The following UNC93A variants were observed in gnomAD, a reference collection of about 807,000 sequenced individuals.
The protein encoded by UNC93A is N-acetylglucosamine transporter UNC93A.
Under a neutral mutation model 47.5 loss-of-function variants are expected in UNC93A, and 43 were observed. That is an observed-to-expected ratio of 0.91 (90% CI 0.71 to 1.17). UNC93A has a LOEUF of 1.17. Among genes scored for constraint, UNC93A ranks in the 50% most tolerant of loss-of-function variants. UNC93A has a pLI of 0.00. For synonymous variants in UNC93A, 280 were observed against 258.0 expected (o/e 1.09, Z -0.82); for missense variants, 605 against 577.6 (o/e 1.05, Z -0.49).
chr6:167,311,193 G>A (rs930414322), intron 7 of UNC93A, among the ~76,000 whole-genome samples: 20 of 152,204 alleles, frequency 1.3e-4, no homozygotes, highest in Non-Finnish European at 1.2e-4. Flanking sequence ...TGTGGACCAC[G>A]TATGTTCTTA....
intron 6 of UNC93A, 108 bp downstream of exon 6, chr6:167,306,158 G>C: frequency 6.8e-7 from 1 of 1,471,818 alleles, no homozygotes; most frequent in Non-Finnish European, 9.3e-7. Flanking sequence ...AAACTGCTTT[G>C]AAATCAGTAA....
intron 1 of UNC93A, among the ~76,000 whole-genome samples, chr6:167,285,546 G>A (rs552498032): frequency 1.3e-5 from 2 of 151,944 alleles, no homozygotes; most frequent in South Asian, 4.2e-4. Flanking sequence ...GCGGGGATGA[G>A]AGTTGGCCTC....
rs1466873576 is a variant in UNC93A, at chr6:167,291,552, C to G, written c.63C>G (p.Ala21=). Reference sequence around the variant, plus strand: ...TTGGGTTCCTGCTTCTCTTTACAGCCTATGGAGGTCTGCAGAGCCTGCAGG... The same window carrying G: ...TTGGGTTCCTGCTTCTCTTTACAGCGTATGGAGGTCTGCAGAGCCTGCAGG... ...VSFGFLLLFT[A]YGGLQSLQSS... The change falls in exon 1 of 8, where the codon GCC becomes GCG. Residue 21 remains alanine, a synonymous_variant. Transcript: ENST00000230256. 6 of 1,613,278 alleles carry G rather than the reference C, an allele frequency of 3.7e-6. No individual in the cohort carries two copies. The African/African-American group carries it at 6.7e-5, about 18-fold the overall frequency.
chr6:167,282,793 C>T (rs1783655471), intron 1 of UNC93A, among the ~76,000 whole-genome samples: 1 of 152,148 alleles, frequency 6.6e-6, no homozygotes, highest in African/African-American at 2.4e-5. Context: ...TCTAGGGAGA[C>T]AGAAGACATC....
At chr6:167,286,807 G>A (rs1160450082), upstream of UNC93A, among the ~76,000 whole-genome samples, 1 of 151,774 alleles carries the variant, frequency 6.6e-6, no homozygotes, top group Non-Finnish European at 1.5e-5. Context: ...GTGAAACCCC[G>A]TCTCTACTGA....
At chr6:167,309,963 C>T (rs931314479) in intron 7 of UNC93A, among the ~76,000 whole-genome samples, 10 of 152,082 alleles carry the variant, frequency 6.6e-5, no homozygotes, top group African/African-American at 9.7e-5. Context: ...GAGGCCAGGC[C>T]GGGGCATTGC....
chr6:167,289,307 C>T (rs937346001), upstream of UNC93A, among the ~76,000 whole-genome samples: 1 of 152,136 alleles, frequency 6.6e-6, no homozygotes, highest in East Asian at 1.9e-4. Flanking sequence ...GCCCTGGTCA[C>T]AGGAACACTG....
At chr6:167,280,030 G>A (rs1783605635) in intron 1 of UNC93A, among the ~76,000 whole-genome samples, 1 of 152,232 alleles carries the variant, frequency 6.6e-6, no homozygotes, top group Non-Finnish European at 1.5e-5. Context: ...AGCACAAGAA[G>A]ATGCTTGCTT....
chr6:167,276,203 T>C, intron 1 of UNC93A, among the ~76,000 whole-genome samples: 1 of 152,150 alleles, frequency 6.6e-6, no homozygotes. Context: ...TTTTTATGGC[T>C]GAATAGTATT....
Position 167,315,323 on chromosome 6 carries a change from G to A in UNC93A, c.1245G>A (p.Leu415=). The change falls in exon 8 of 8, where the codon CTG becomes CTA. Residue 415 remains leucine, a synonymous_variant. Transcript: ENST00000230256. ...TGCACGTCAAGCTCTACATTCTGCT[G>A]GGGGTCCTGAGCCTGACCATGGTGG... ...LCVHVKLYIL[L]GVLSLTMVAY... The A allele has an allele frequency of 6.2e-7, 1 of 1,613,886 alleles. No homozygotes were observed. The highest frequency in any genetic ancestry group is 8.5e-7 in the Non-Finnish European group (1 of 1,179,852).
In UNC93A at chr6:167,272,542, G is replaced by A. The variant is rs78115217; in HGVS notation, c.-52+1084G>A. On this transcript the variant is annotated intron_variant, in intron 1 of 3. Transcript: ENST00000503433. ...TGAGAACATGTGCCCAAGGTGGTGG[G>A]GAGCAGCTTGGATTTATACATCTTA... is the stretch of plus-strand genomic sequence containing the variant. Among the ~76,000 whole-genome samples, 9 of 152,300 alleles carry A rather than the reference G, an allele frequency of 5.9e-5. No homozygotes were observed. In the East Asian group the frequency reaches 1.7e-3, roughly 29 times the overall value.
chr6:167,283,207 TA>T (rs1363030436), intron 1 of UNC93A, among the ~76,000 whole-genome samples: 1 of 152,232 alleles, frequency 6.6e-6, no homozygotes, highest in Non-Finnish European at 1.5e-5. Flanking sequence ...CAAACAAAGT[TA>T]TTTTTGGGTA....
intron 7 of UNC93A, 99 bp downstream of exon 7, chr6:167,308,009 A>G: frequency 1.3e-6 from 2 of 1,511,820 alleles, no homozygotes; most frequent in Admixed American, 2.0e-5. Context: ...GCCAGAGCCA[A>G]GAGAGATGAG....
intron 1 of UNC93A, among the ~76,000 whole-genome samples, chr6:167,276,269 G>A (rs1330271921): frequency 1.3e-5 from 2 of 151,952 alleles, no homozygotes; most frequent in African/African-American, 2.4e-5. Flanking sequence ...GGACACCTCT[G>A]TTGGTTCCAT....
intron 1 of UNC93A, among the ~76,000 whole-genome samples, chr6:167,283,657 A>C (rs1783671890): frequency 6.6e-6 from 1 of 152,158 alleles, no homozygotes; most frequent in African/African-American, 2.4e-5. Context: ...TGCCAGCTAG[A>C]ATGAGTTGCG....
chr6:167,298,199 G>A, intron 4 of UNC93A, 129 bp downstream of exon 4: 1 of 1,397,884 alleles, frequency 7.2e-7, no homozygotes, highest in Admixed American at 2.6e-5. Flanking sequence ...CTTGCAAAAT[G>A]TATTGGTCTG....
intron 6 of UNC93A, among the ~76,000 whole-genome samples, chr6:167,306,277 G>C (rs1778390570): frequency 6.6e-6 from 1 of 152,216 alleles, no homozygotes; most frequent in African/African-American, 2.4e-5. Context: ...CTCGGCATGA[G>C]GCCACACAGC....
rs918574910 is a variant in UNC93A, at chr6:167,299,671, C to T, written c.625+1601C>T. On this transcript the variant is annotated intron_variant, in intron 4 of 7. Transcript: ENST00000230256. ...CTTGCAGCTGCATCTCCCTGGAGCA[C>T]GGAGTTTCAGGAAAGCCTCCAAGGG... 2.2e-4 allele frequency among the ~76,000 whole-genome samples: 33 copies of T among 152,178 alleles called. 1 individual carries two copies. The highest frequency in any genetic ancestry group is 4.8e-4 in the African/African-American group (20 of 41,438).
intron 7 of UNC93A, among the ~76,000 whole-genome samples, chr6:167,310,741 C>CAT (rs1778534190): frequency 6.6e-6 from 1 of 152,062 alleles, no homozygotes; most frequent in Non-Finnish European, 1.5e-5. Context: ...ATTAGCCAGG[C>CAT]GTGATGGCAC....
Sources: gnomAD v4.1 joint callset for allele counts (sites outside exome capture counted in the v4.1 genomes callset) on GRCh38, gnomAD v4.1.1 for gene constraint, MANE v1.5 for transcripts, NCBI Gene and HGNC (gene_info 2026-07-23, HGNC 2026-07-21) for gene names.